Variants in OTOGL observed in about 807,000 individuals in gnomAD.
The protein encoded by OTOGL is otogelin like.
A neutral mutation model predicts 318.5 loss-of-function variants in OTOGL; 285 were observed. The ratio of observed to expected loss-of-function variants is 0.89; its 90% CI spans 0.81 to 0.99. The LOEUF (loss-of-function observed/expected upper bound fraction) is 0.99, where lower values mean the gene tolerates loss of function less well. Ranked by LOEUF, OTOGL falls within the 50% of genes least tolerant of loss-of-function variation. OTOGL has a pLI of 0.00. For missense variants in OTOGL, 2,899 were observed against 2,845.6 expected (o/e 1.02, Z -0.43); for synonymous variants, 987 against 936.5 (o/e 1.05, Z -0.99).
chr12:80,126,675 A>T (rs575038779), intron 1 of OTOGL, among the ~76,000 whole-genome samples: 1 of 152,282 alleles, frequency 6.6e-6, no homozygotes, highest in East Asian at 1.9e-4. Context: ...GTGGGAGTCT[A>T]AGCCTCTTTG....
intron 1 of OTOGL, among the ~76,000 whole-genome samples, chr12:80,140,059 T>A (rs1871832230): frequency 6.6e-6 from 1 of 152,170 alleles, no homozygotes; most frequent in Non-Finnish European, 1.5e-5. Flanking sequence ...TCTTCTCTTG[T>A]TACATTCAAC....
chr12:80,217,544 T>A lies in OTOGL; in HGVS notation c.169-54T>A, dbSNP rs1877855866. 7.3e-6 allele frequency: 9 copies of A among 1,227,998 alleles called. No homozygotes were observed. In the Admixed American group the frequency reaches 1.7e-4, roughly 24 times the overall value. 76.1% of individuals were successfully genotyped at this position (1,227,998 alleles called of 1,614,324 possible). ...TTCTAGATTTGCCAATTTGCATGTT[T>A]GGCTTGAATTAAATAATTTAACTGT... is the stretch of plus-strand genomic sequence containing the variant. On this transcript the variant is annotated intron_variant, in intron 4 of 58. Coordinates refer to ENST00000547103, the MANE Select transcript of OTOGL (RefSeq NM_001378609.3).
At chr12:80,371,439 T>C (rs1295132132) in intron 56 of OTOGL, among the ~76,000 whole-genome samples, 1 of 152,066 alleles carries the variant, frequency 6.6e-6, no homozygotes, top group African/African-American at 2.4e-5. Flanking sequence ...TGGAAAAAAC[T>C]TGGGCATCAT....
intron 44 of OTOGL, 70 bp from the exon 45 acceptor site, chr12:80,352,225 C>G (rs969589041): frequency 4.5e-6 from 6 of 1,343,572 alleles, no homozygotes; most frequent in Non-Finnish European, 6.1e-6. Flanking sequence ...TCCAAATAAT[C>G]TTAGTCTAGC....
chr12:80,226,953 A>G (rs1010963028), intron 7 of OTOGL, among the ~76,000 whole-genome samples: 2 of 152,174 alleles, frequency 1.3e-5, no homozygotes, highest in African/African-American at 2.4e-5. Flanking sequence ...ATCATTTTAC[A>G]TATAACCTTA....
chr12:80,158,778 A>C (rs1873300291), intron 1 of OTOGL, among the ~76,000 whole-genome samples: 1 of 152,034 alleles, frequency 6.6e-6, no homozygotes, highest in African/African-American at 2.4e-5. Flanking sequence ...TCATCAGCAA[A>C]CAGTGAGAGT....
At chr12:80,345,869 G>A (rs1315462869) in intron 44 of OTOGL, among the ~76,000 whole-genome samples, 4 of 152,124 alleles carry the variant, frequency 2.6e-5, no homozygotes, top group Non-Finnish European at 5.9e-5. Flanking sequence ...AGTAGCCTGT[G>A]TCTTCAGACA....
intron 1 of OTOGL, among the ~76,000 whole-genome samples, chr12:80,193,596 T>C (rs2137267460): frequency 6.6e-6 from 1 of 152,308 alleles, no homozygotes; most frequent in East Asian, 1.9e-4. Flanking sequence ...AAATGTTATA[T>C]TTCAGACAAT....
chr12:80,226,554 G>A (rs956780413), intron 7 of OTOGL, among the ~76,000 whole-genome samples: 2 of 152,042 alleles, frequency 1.3e-5, no homozygotes, highest in African/African-American at 2.4e-5. Context: ...TTTCAATCCA[G>A]ACTAGTTGCT....
intron 46 of OTOGL, among the ~76,000 whole-genome samples, chr12:80,355,109 A>G (rs1889785997): frequency 6.6e-6 from 1 of 152,062 alleles, no homozygotes; most frequent in South Asian, 2.1e-4. Flanking sequence ...AACAGGACTT[A>G]AAATGTGTCA....
At chr12:80,173,156 T>G (rs1874318399) in intron 1 of OTOGL, among the ~76,000 whole-genome samples, 1 of 151,084 alleles carries the variant, frequency 6.6e-6, no homozygotes, top group Non-Finnish European at 1.5e-5. Context: ...ATATTTACTT[T>G]ATAAGATTCA....
At chr12:80,163,509 A>G (rs1041356522) in intron 1 of OTOGL, among the ~76,000 whole-genome samples, 1 of 152,074 alleles carries the variant, frequency 6.6e-6, no homozygotes, top group African/African-American at 2.4e-5. Flanking sequence ...CTTAGGAATA[A>G]TATGGCATAG....
At chr12:80,366,511 TTATA>T (rs35874282) in intron 52 of OTOGL, 59 bp from the exon 53 acceptor site, 15 of 176,322 alleles carry the variant, frequency 8.5e-5, no homozygotes, top group South Asian at 1.9e-4. Context: ...TATATATAGG[TTATA>T]TATATATATA....
chr12:80,149,465 C>T (rs1220422115), intron 1 of OTOGL, among the ~76,000 whole-genome samples: 9 of 152,182 alleles, frequency 5.9e-5, no homozygotes, highest in Non-Finnish European at 1.2e-4. Context: ...CCACTGCTCT[C>T]TTCAAAGCTG....
At chr12:80,279,900 C>A (rs112639588) in intron 26 of OTOGL, among the ~76,000 whole-genome samples, 2 of 151,850 alleles carry the variant, frequency 1.3e-5, no homozygotes, top group African/African-American at 4.8e-5. Flanking sequence ...AATTTACATT[C>A]TCACCAGCAG....
At position 80,151,692 on chromosome 12, in the gene OTOGL, T is replaced by G. The variant is rs184317161; in HGVS notation, c.-20+52087T>G. On this transcript the variant is annotated intron_variant, in intron 1 of 58. Transcript: ENST00000547103. The stretch of plus-strand genomic sequence containing the variant: ...TAGACACCTTGTGGCTTGTAAATAC[T>G]CTAGAACAGAGGGAATGATGGTGGT... 2.4e-4 allele frequency among the ~76,000 whole-genome samples: 37 copies of G among 152,296 alleles called. No homozygotes were observed. The East Asian group carries it at 7.0e-3, about 29-fold the overall frequency.
At chr12:80,295,484 G>A (rs548296383) in intron 26 of OTOGL, among the ~76,000 whole-genome samples, 1 of 152,224 alleles carries the variant, frequency 6.6e-6, no homozygotes, top group South Asian at 2.1e-4. Context: ...GCCTATGATT[G>A]CCAAACATTT....
At chr12:80,135,970 G>T (rs1361780737) in intron 1 of OTOGL, among the ~76,000 whole-genome samples, 1 of 152,158 alleles carries the variant, frequency 6.6e-6, no homozygotes, top group Non-Finnish European at 1.5e-5. Flanking sequence ...CTCAAACTGG[G>T]ATATTGGCTG....
chr12:80,153,422 A>G (rs1417590597), intron 1 of OTOGL, among the ~76,000 whole-genome samples: 2 of 152,218 alleles, frequency 1.3e-5, no homozygotes, highest in Non-Finnish European at 2.9e-5. Context: ...AGTTTTCAAC[A>G]TAAGAATTTG....
Sources: gnomAD v4.1 joint callset for allele counts (sites outside exome capture counted in the v4.1 genomes callset) on GRCh38, gnomAD v4.1.1 for gene constraint, MANE v1.5 for transcripts, NCBI Gene and HGNC (gene_info 2026-07-23, HGNC 2026-07-21) for gene names.